The following CSMD3 variants were observed in gnomAD, a reference collection of about 807,000 sequenced individuals.
The protein encoded by CSMD3 is CUB and Sushi multiple domains 3, also known as CUB and sushi domain-containing protein 3.
A neutral mutation model predicts 435.2 loss-of-function variants in CSMD3; 177 were observed. The observed-to-expected ratio is 0.41, with a 90% CI of 0.36 to 0.46. The LOEUF (loss-of-function observed/expected upper bound fraction) is 0.46, where lower values mean the gene tolerates loss of function less well. Among genes scored for constraint, CSMD3 ranks in the 20% least tolerant of loss-of-function variants. CSMD3 has a pLI of 0.34. For synonymous variants in CSMD3, 1,656 were observed against 1,520.5 expected (o/e 1.09, Z -2.07); for missense variants, 4,265 against 4,504.6 (o/e 0.95, Z 1.52).
intron 3 of CSMD3, among the ~76,000 whole-genome samples, chr8:113,268,154 A>G (rs1040675673): frequency 6.6e-6 from 1 of 151,852 alleles, no homozygotes; most frequent in Non-Finnish European, 1.5e-5. Context: ...TCTATATTAC[A>G]AAATAACTTT....
intron 13 of CSMD3, among the ~76,000 whole-genome samples, chr8:112,794,496 T>C (rs1161571420): frequency 6.6e-6 from 1 of 151,976 alleles, no homozygotes; most frequent in Non-Finnish European, 1.5e-5. Flanking sequence ...GGTTTCACCA[T>C]GTTGGCCAGG....
At chr8:113,412,378 A>G (rs566420886) in intron 1 of CSMD3, among the ~76,000 whole-genome samples, 1 of 152,216 alleles carries the variant, frequency 6.6e-6, no homozygotes, top group East Asian at 1.9e-4. Context: ...GTGGACTTGC[A>G]GAGTAAAGAA....
chr8:112,418,422 C>A (rs1812140772), intron 32 of CSMD3, among the ~76,000 whole-genome samples: 1 of 152,054 alleles, frequency 6.6e-6, no homozygotes, highest in Non-Finnish European at 1.5e-5. Context: ...CAGTAACATA[C>A]ACTGTGCAGA....
chr8:112,648,266 C>T (rs527996647), intron 19 of CSMD3, among the ~76,000 whole-genome samples: 3 of 152,160 alleles, frequency 2.0e-5, no homozygotes, highest in South Asian at 2.1e-4. Flanking sequence ...GAGTTCAGTT[C>T]GAGTCAACAG....
At chr8:113,274,403 T>C (rs1563638299) in intron 3 of CSMD3, among the ~76,000 whole-genome samples, 1 of 152,156 alleles carries the variant, frequency 6.6e-6, no homozygotes, top group African/African-American at 2.4e-5. Context: ...AACTGGTTCG[T>C]GGACCAGTGT....
At chr8:112,792,697 A>C (rs1563965565) in intron 13 of CSMD3, among the ~76,000 whole-genome samples, 1 of 152,174 alleles carries the variant, frequency 6.6e-6, no homozygotes, top group Non-Finnish European at 1.5e-5. Context: ...TAGGTCTATA[A>C]TACATTGCAA....
In CSMD3 at chr8:112,492,584, T is replaced by A. The variant is rs2130853347; in HGVS notation, c.5183A>T (p.Asp1728Val). 1.2e-6 allele frequency: 2 copies of A among 1,613,352 alleles called. No individual in the cohort carries two copies. The highest frequency in any genetic ancestry group is 2.2e-5 in the South Asian group (2 of 91,074). The change falls in exon 31 of 71, where the codon GAT (aspartate) becomes GTT (valine). Residue 1728 changes from aspartate (D) to valine (V), a missense_variant. Physicochemically the swap from Asp to Val is radical, Grantham distance 152. Coordinates refer to ENST00000297405, the MANE Select transcript of CSMD3 (RefSeq NM_198123.2). The part of the protein sequence containing the change: ...KLGSTVTYYC[D>V]AGYVLQGYST... ...ATAACCTTGAAGAACATAACCAGCATCACAGTAATAGGTGACTGTTGACCC... is the reference window on the plus strand; with the variant it reads ...ATAACCTTGAAGAACATAACCAGCAACACAGTAATAGGTGACTGTTGACCC...
At chr8:112,511,606 G>A (rs1823145070) in intron 28 of CSMD3, among the ~76,000 whole-genome samples, 1 of 151,920 alleles carries the variant, frequency 6.6e-6, no homozygotes, top group Admixed American at 6.6e-5. Context: ...TAGCCAGGAT[G>A]GTCTCGATTT....
At chr8:113,168,341 T>C (rs1020995242) in intron 4 of CSMD3, among the ~76,000 whole-genome samples, 2 of 151,478 alleles carry the variant, frequency 1.3e-5, no homozygotes, top group African/African-American at 4.9e-5. Flanking sequence ...GCCAACATGG[T>C]CAAACCCTGT....
At chr8:113,069,935 G>C (rs1042249036) in intron 5 of CSMD3, among the ~76,000 whole-genome samples, 1 of 152,084 alleles carries the variant, frequency 6.6e-6, no homozygotes, top group African/African-American at 2.4e-5. Flanking sequence ...TTGCCCAAGA[G>C]AGGAGCCAAC....
At chr8:112,896,502 T>C (rs2081953789) in intron 10 of CSMD3, among the ~76,000 whole-genome samples, 1 of 151,560 alleles carries the variant, frequency 6.6e-6, no homozygotes, top group South Asian at 2.1e-4. Context: ...AATTCAGAAG[T>C]AATTTATGAT....
At chr8:112,419,007 G>A (rs922155144) in intron 32 of CSMD3, among the ~76,000 whole-genome samples, 1 of 152,078 alleles carries the variant, frequency 6.6e-6, no homozygotes, top group African/African-American at 2.4e-5. Flanking sequence ...TTATGTATAA[G>A]CGAACATTTC....
chr8:112,979,220 AAAGGGGAT>A (rs1227930293), intron 6 of CSMD3, among the ~76,000 whole-genome samples: 1 of 151,806 alleles, frequency 6.6e-6, no homozygotes, highest in East Asian at 1.9e-4. Context: ...TGTAGAATTA[AAAGGGGAT>A]ATATGTCATG....
At chr8:112,965,131 G>A (rs1301066035) in intron 7 of CSMD3, among the ~76,000 whole-genome samples, 1 of 151,948 alleles carries the variant, frequency 6.6e-6, no homozygotes, top group East Asian at 1.9e-4. Flanking sequence ...AGAGGAGTCT[G>A]CTTTGGCATC....
Position 112,533,720 on chromosome 8 carries a change from G to C in CSMD3, c.4565-16495C>G, listed in dbSNP as rs539386578. On this transcript the variant is annotated intron_variant, in intron 27 of 70. Coordinates refer to ENST00000297405, the MANE Select transcript of CSMD3 (RefSeq NM_198123.2). ...CAGCAATAGATAGATCATCCAGACA[G>C]AAAATCAGCAAAGAAACATTGGAAT... is the stretch of plus-strand genomic sequence containing the variant. Among the ~76,000 whole-genome samples, 16 of 152,088 alleles carry C rather than the reference G, an allele frequency of 1.1e-4. No homozygotes were observed. The South Asian group carries it at 2.9e-3, about 28-fold the overall frequency.
intron 1 of CSMD3, among the ~76,000 whole-genome samples, chr8:113,335,538 T>A (rs928255198): frequency 6.0e-5 from 3 of 50,048 alleles, no homozygotes; most frequent in Middle Eastern, 7.5e-3. Context: ...CTCCTCCTTC[T>A]TTTTTTTTTT....
At chr8:112,289,765 A>C (rs1819580848) in intron 56 of CSMD3, among the ~76,000 whole-genome samples, 1 of 152,110 alleles carries the variant, frequency 6.6e-6, no homozygotes, top group Admixed American at 6.6e-5. Context: ...TTTAACAGCA[A>C]CATTGTAAGC....
intron 25 of CSMD3, among the ~76,000 whole-genome samples, chr8:112,553,750 A>T (rs892244977): frequency 6.6e-6 from 1 of 152,038 alleles, no homozygotes; most frequent in African/African-American, 2.4e-5. Flanking sequence ...AGAAGGTCAA[A>T]GCAGGAAAGT....
At chr8:113,197,295 C>CTA (rs57906563) in intron 3 of CSMD3, among the ~76,000 whole-genome samples, 3,335 of 149,110 alleles carry the variant, frequency 0.022, 124 homozygotes, top group African/African-American at 0.076. Context: ...TGCCTTCAGC[C>CTA]TATATATATA....
Sources: allele counts gnomAD v4.1 joint callset (sites outside exome capture counted in the v4.1 genomes callset), GRCh38; gene constraint gnomAD v4.1.1; transcripts MANE v1.5; gene names NCBI Gene and HGNC (gene_info 2026-07-23, HGNC 2026-07-21).